The following FBXL7 variants were observed in gnomAD, a reference collection of about 807,000 sequenced individuals.
FBXL7 encodes the protein F-box and leucine rich repeat protein 7, also known as F-box/LRR-repeat protein 7.
Under a neutral mutation model 38.3 loss-of-function variants are expected in FBXL7, and 12 were observed. The observed-to-expected ratio is 0.31, with a 90% CI of 0.20 to 0.51. The LOEUF is 0.51. Among genes scored for constraint, FBXL7 ranks in the 20% least tolerant of loss-of-function variants. The pLI is 0.98. For missense variants in FBXL7, 567 were observed against 676.4 expected, an observed-to-expected ratio of 0.84 and a Z score of 1.79; for synonymous variants, 297 against 300.9, an observed-to-expected ratio of 0.99 and a Z score of 0.13.
chr5:15,928,021 A>G lies in FBXL7; in HGVS notation c.259A>G (p.Met87Val). 1 of 1,602,852 alleles carries G rather than the reference A, an allele frequency of 6.2e-7. No homozygotes were observed. Among genetic ancestry groups the G allele is most frequent in the Non-Finnish European group, 8.5e-7 (1 of 1,173,374 alleles). The change falls in exon 3 of 4, where the codon ATG (methionine) becomes GTG (valine). Residue 87 changes from methionine (M) to valine (V), a missense_variant. Coordinates refer to ENST00000504595, the MANE Select transcript of FBXL7 (RefSeq NM_012304.5). This position sits in a 1 kb window ranked among gnomAD's most constrained non-coding sequence, Gnocchi z 4.0. Reference sequence around the variant, plus strand: ...CTCCATCACCGGGGAGACGGTGGCCATGGTGCACTCCCCGCCCCCGACCCG... The same window carrying G: ...CTCCATCACCGGGGAGACGGTGGCCGTGGTGCACTCCCCGCCCCCGACCCG... ...SSSITGETVA[M>V]VHSPPPTRLT...
chr5:15,745,172 TATAA>T (rs1257540890), intron 2 of FBXL7, among the ~76,000 whole-genome samples: 2 of 152,196 alleles, frequency 1.3e-5, no homozygotes, highest in Non-Finnish European at 2.9e-5. Context: ...AACATTTAGT[TATAA>T]ATAAATATTT....
In FBXL7 at chr5:15,840,766, G is replaced by T. The variant is rs555584903; in HGVS notation, c.128-87124G>T. Among the ~76,000 whole-genome samples, 18 of 146,342 alleles carry T rather than the reference G, an allele frequency of 1.2e-4. 1 individual carries two copies. Among genetic ancestry groups the T allele is most frequent in the African/African-American group, 4.3e-4 (17 of 39,362 alleles). ...GGAGGCTGAGGCAGGAGAATCGCTTGAACCCAGGAGGTGGACGTTGCAGTA... is the reference window on the plus strand; with the variant it reads ...GGAGGCTGAGGCAGGAGAATCGCTTTAACCCAGGAGGTGGACGTTGCAGTA... On this transcript the variant is annotated intron_variant, in intron 2 of 3. Coordinates refer to ENST00000504595, the MANE Select transcript of FBXL7 (RefSeq NM_012304.5).
chr5:15,750,598 T>G (rs550159265), intron 2 of FBXL7, among the ~76,000 whole-genome samples: 9 of 152,342 alleles, frequency 5.9e-5, no homozygotes, highest in Non-Finnish European at 1.0e-4. Context: ...GTTTCCTGCT[T>G]CTTTTTGTTT....
chr5:15,834,190 G>A lies in FBXL7; in HGVS notation c.128-93700G>A, dbSNP rs1340136779. Among the ~76,000 whole-genome samples, 3 of 152,134 alleles carry A rather than the reference G, an allele frequency of 2.0e-5. No homozygotes were observed. The East Asian group carries it at 5.8e-4, about 29-fold the overall frequency. ...CATGTCATTTCAATATCATATAGGTGGAACACTGGTTAACAAATCCACCTA... is the reference window on the plus strand; with the variant it reads ...CATGTCATTTCAATATCATATAGGTAGAACACTGGTTAACAAATCCACCTA... On this transcript the variant is annotated intron_variant, in intron 2 of 3. Transcript: ENST00000504595.
intron 2 of FBXL7, among the ~76,000 whole-genome samples, chr5:15,697,821 T>G (rs1028739121): frequency 6.6e-5 from 10 of 152,210 alleles, no homozygotes; most frequent in African/African-American, 1.7e-4. Context: ...ACTTTCAACT[T>G]TAATGCCAAT....
At chr5:15,648,940 A>G (rs894639426) in intron 2 of FBXL7, among the ~76,000 whole-genome samples, 1 of 151,234 alleles carries the variant, frequency 6.6e-6, no homozygotes, top group African/African-American at 2.4e-5. Context: ...CACTTTTAGG[A>G]AAATGGCCAT....
intron 2 of FBXL7, among the ~76,000 whole-genome samples, chr5:15,857,353 T>C (rs1488384801): frequency 6.6e-6 from 1 of 152,146 alleles, no homozygotes; most frequent in South Asian, 2.1e-4. Flanking sequence ...ACTCTGTGAG[T>C]TGGGTACAAT....
At chr5:15,616,768 GCT>G (rs372653129) in intron 2 of FBXL7, among the ~76,000 whole-genome samples, 10 of 152,312 alleles carry the variant, frequency 6.6e-5, no homozygotes, top group African/African-American at 1.9e-4. Flanking sequence ...TATAGAATCA[GCT>G]CTTTTTATTT....
At chr5:15,869,138 C>A (rs564854681) in intron 2 of FBXL7, among the ~76,000 whole-genome samples, 1 of 152,128 alleles carries the variant, frequency 6.6e-6, no homozygotes, top group Non-Finnish European at 1.5e-5. Flanking sequence ...AATGGACAAG[C>A]CTAGAAGGCA....
intron 2 of FBXL7, among the ~76,000 whole-genome samples, chr5:15,658,072 T>C (rs1349724970): frequency 1.3e-5 from 2 of 151,862 alleles, no homozygotes; most frequent in East Asian, 3.9e-4. Context: ...TGGAATTAAT[T>C]TTGTTGAGGG....
intron 1 of FBXL7, among the ~76,000 whole-genome samples, chr5:15,517,120 G>A (rs1281041059): frequency 6.6e-6 from 1 of 151,730 alleles, no homozygotes. Flanking sequence ...TCCGCCTCCC[G>A]GGTTCACGCC....
At chr5:15,832,090 C>G (rs1462650959) in intron 2 of FBXL7, among the ~76,000 whole-genome samples, 3 of 152,200 alleles carry the variant, frequency 2.0e-5, no homozygotes, top group Non-Finnish European at 4.4e-5. Flanking sequence ...ACCTACACAT[C>G]TGGGAAGTCC....
intron 1 of FBXL7, among the ~76,000 whole-genome samples, chr5:15,533,214 G>GA (rs1737478745): frequency 2.6e-5 from 4 of 152,168 alleles, no homozygotes; most frequent in Admixed American, 2.6e-4. Context: ...ATCACACTGT[G>GA]TGTCTAATCA....
intron 1 of FBXL7, among the ~76,000 whole-genome samples, chr5:15,555,222 A>T (rs147289983): frequency 1.4e-4 from 22 of 151,864 alleles, no homozygotes; most frequent in African/African-American, 4.6e-4. Context: ...AGACACACAC[A>T]CCCCCCACAG....
Position 15,928,703 on chromosome 5 carries a change from T to A in FBXL7, c.739+202T>A, listed in dbSNP as rs1741961015. Among the ~76,000 whole-genome samples, 2 of 152,104 alleles carry A rather than the reference T, an allele frequency of 1.3e-5. No homozygotes were observed. The highest frequency in any genetic ancestry group is 6.5e-5 in the Admixed American group (1 of 15,274). ...CACAAGTTTCCCTTTCATCAAATAA[T>A]GTCCACTTCTTTTTTTTTTATTATT... On this transcript the variant is annotated intron_variant, in intron 3 of 3. Transcript: ENST00000504595. The surrounding 1 kb of genome is among the most constrained non-coding windows in gnomAD (Gnocchi z 4.0).
chr5:15,888,292 A>G (rs1561174957), intron 2 of FBXL7, among the ~76,000 whole-genome samples: 3 of 151,764 alleles, frequency 2.0e-5, no homozygotes, highest in South Asian at 2.1e-4. Context: ...CAGTGGCGCA[A>G]TCTCGGCTCA....
Position 15,636,385 on chromosome 5 carries a change from A to AT in FBXL7, c.127+20321dup, listed in dbSNP as rs938370751. ...GGCTGCTAAAGACCTGGATAGAACA[A>AT]TTTTTTTTCAGCAGTCTATGAACAC... On this transcript the variant is annotated intron_variant, in intron 2 of 3. Transcript: ENST00000504595. Among the ~76,000 whole-genome samples the AT allele has an allele frequency of 3.3e-5, 5 of 151,868 alleles. No individual in the cohort carries two copies. The East Asian group carries it at 5.8e-4, about 18-fold the overall frequency.
chr5:15,805,622 G>A (rs1283083442), intron 2 of FBXL7, among the ~76,000 whole-genome samples: 1 of 151,940 alleles, frequency 6.6e-6, no homozygotes, highest in Non-Finnish European at 1.5e-5. Flanking sequence ...CTTATAACTA[G>A]TCCACACAGG....
chr5:15,611,815 T>C (rs1740247065), intron 1 of FBXL7, among the ~76,000 whole-genome samples: 1 of 150,230 alleles, frequency 6.7e-6, no homozygotes, highest in Non-Finnish European at 1.5e-5. Context: ...AGACCTCATC[T>C]CTATTAAAAA....
Sources: allele counts gnomAD v4.1 joint callset (sites outside exome capture counted in the v4.1 genomes callset), GRCh38; gene constraint gnomAD v4.1.1; non-coding constraint Gnocchi (gnomAD v3.1); transcripts MANE v1.5; gene names NCBI Gene and HGNC (gene_info 2026-07-23, HGNC 2026-07-21).